The following MAP4K4 variants were observed in gnomAD, a reference collection of about 807,000 sequenced individuals.
The protein encoded by MAP4K4 is HPK/GCK-like kinase HGK.
In MAP4K4, 38 loss-of-function variants were observed where a neutral mutation model predicts 189.6. The ratio of observed to expected loss-of-function variants is 0.20; its 90% CI spans 0.15 to 0.26. MAP4K4 has a LOEUF of 0.26. Among genes scored for constraint, MAP4K4 ranks in the 10% least tolerant of loss-of-function variants. The pLI is 1.00. For synonymous variants in MAP4K4, 610 were observed against 624.3 expected, an observed-to-expected ratio of 0.98 and a Z score of 0.34; for missense variants, 1,054 against 1,726.9, an observed-to-expected ratio of 0.61 and a Z score of 6.91.
chr2:101,717,837 C>T (rs138222794), intron 2 of MAP4K4, among the ~76,000 whole-genome samples: 69 of 152,182 alleles, frequency 4.5e-4, no homozygotes, highest in Non-Finnish European at 7.2e-4. Context: ...TAGGATGACA[C>T]TGGAAGCTAG....
chr2:101,770,098 CTGAGTT>C (rs1558832331), intron 2 of MAP4K4, among the ~76,000 whole-genome samples: 1 of 152,106 alleles, frequency 6.6e-6, no homozygotes, highest in Non-Finnish European at 1.5e-5. Context: ...TTCAGTTACT[CTGAGTT>C]TATCATATCC....
chr2:101,699,332 G>A (rs2036773956), intron 2 of MAP4K4, among the ~76,000 whole-genome samples: 1 of 152,198 alleles, frequency 6.6e-6, no homozygotes, highest in African/African-American at 2.4e-5. Context: ...CTGAGTAGCT[G>A]ACACCTGATG....
At chr2:101,814,647 C>T (rs1418297913) in intron 3 of MAP4K4, among the ~76,000 whole-genome samples, 1 of 152,144 alleles carries the variant, frequency 6.6e-6, no homozygotes, top group Non-Finnish European at 1.5e-5. Context: ...TTCCATTTTC[C>T]AGGGAGCATC....
intron 9 of MAP4K4, among the ~76,000 whole-genome samples, chr2:101,837,141 T>C (rs1417318639): frequency 1.3e-5 from 2 of 150,094 alleles, no homozygotes; most frequent in Non-Finnish European, 2.9e-5. Context: ...AGTTTTCCAA[T>C]TGATGCTGCC....
intron 2 of MAP4K4, among the ~76,000 whole-genome samples, chr2:101,698,837 TC>T (rs1436931765): frequency 1.3e-5 from 2 of 152,308 alleles, no homozygotes; most frequent in South Asian, 2.1e-4. Context: ...CTGAATTTTT[TC>T]TTTTTTTCCC....
chr2:101,869,946 T>C, intron 22 of MAP4K4, 149 bp downstream of exon 22: 1 of 1,049,138 alleles, frequency 9.5e-7, no homozygotes, highest in Non-Finnish European at 1.3e-6. Flanking sequence ...GCCTTGTGTT[T>C]CCCCTTCTCT....
At chr2:101,842,968 C>G (rs929750602) in intron 11 of MAP4K4, among the ~76,000 whole-genome samples, 1 of 152,112 alleles carries the variant, frequency 6.6e-6, no homozygotes, top group Non-Finnish European at 1.5e-5. Context: ...ATTTATTGTT[C>G]CAGAAGCCAC....
chr2:101,817,538 A>G lies in MAP4K4; in HGVS notation c.181-6390A>G, dbSNP rs114748471. ...TGGTGTCATTGTGTAGTTGTCTTCTATATCACATTATTTTTAGATACCAGC... is the reference window on the plus strand; with the variant it reads ...TGGTGTCATTGTGTAGTTGTCTTCTGTATCACATTATTTTTAGATACCAGC... On this transcript the variant is annotated intron_variant, in intron 3 of 32. Transcript: ENST00000324219. Among the ~76,000 whole-genome samples, 898 of 152,290 alleles carry G rather than the reference A, an allele frequency of 5.9e-3. 9 individuals carry two copies. Among genetic ancestry groups the G allele is most frequent in the African/African-American group, 0.021 (869 of 41,560 alleles).
At chr2:101,740,730 T>C (rs191827729) in intron 2 of MAP4K4, among the ~76,000 whole-genome samples, 1 of 152,258 alleles carries the variant, frequency 6.6e-6, no homozygotes, top group East Asian at 1.9e-4. Flanking sequence ...GTTTGCACTG[T>C]CAGCATAAGC....
chr2:101,815,284 C>G (rs919033083), intron 3 of MAP4K4, among the ~76,000 whole-genome samples: 1 of 152,006 alleles, frequency 6.6e-6, no homozygotes, highest in Admixed American at 6.6e-5. Context: ...CTCTGCCACT[C>G]TGGTTGAAGG....
intron 2 of MAP4K4, among the ~76,000 whole-genome samples, chr2:101,740,635 T>C (rs948558956): frequency 1.4e-4 from 22 of 152,224 alleles, no homozygotes; most frequent in Admixed American, 5.2e-4. Flanking sequence ...GTAACTGTTC[T>C]TTTCAAGCTT....
At chr2:101,878,461 C>CATTGA (rs1229214619) in intron 27 of MAP4K4, among the ~76,000 whole-genome samples, 1 of 152,202 alleles carries the variant, frequency 6.6e-6, no homozygotes, top group African/African-American at 2.4e-5. Context: ...TTCTCCATGC[C>CATTGA]ATTGAACATC....
intron 2 of MAP4K4, among the ~76,000 whole-genome samples, chr2:101,740,446 G>T (rs1476823995): frequency 2.0e-5 from 2 of 102,492 alleles, no homozygotes; most frequent in East Asian, 2.2e-4. Flanking sequence ...GAGCCACCGC[G>T]CCCGGCCGCT....
At chr2:101,834,739 GATA>G (rs1268591224) in intron 8 of MAP4K4, among the ~76,000 whole-genome samples, 2 of 152,354 alleles carry the variant, frequency 1.3e-5, no homozygotes, top group Non-Finnish European at 2.9e-5. Context: ...GCTGAGATCA[GATA>G]ATAAGTAGTA....
At chr2:101,798,926 T>A (rs1488382947) in intron 3 of MAP4K4, among the ~76,000 whole-genome samples, 7 of 152,236 alleles carry the variant, frequency 4.6e-5, no homozygotes, top group South Asian at 2.1e-4. Flanking sequence ...ACCTCTTACT[T>A]ACTTTCACAC....
At position 101,787,457 on chromosome 2, in the gene MAP4K4, G is replaced by A. The variant is rs150987799; in HGVS notation, c.124-3263G>A. ...GTGGTATGAAGGAGGGTCGTGTGTC[G>A]TAGCTAAAGAGATGCCAGGAGAGGT... On this transcript the variant is annotated intron_variant, in intron 2 of 32. Coordinates refer to ENST00000324219, the Ensembl canonical transcript of MAP4K4. Among the ~76,000 whole-genome samples the A allele has an allele frequency of 6.6e-4, 101 of 152,240 alleles. 1 individual carries two copies. The highest frequency in any genetic ancestry group is 2.2e-3 in the African/African-American group (93 of 41,518).
At chr2:101,893,493 G>A (rs1466668627) in exon 33 of MAP4K4, 3 of 331,140 alleles carry the variant, frequency 9.1e-6, no homozygotes, top group Non-Finnish European at 1.8e-5. Flanking sequence ...CCATGTTTAG[G>A]CTTTTCATAA....
At chr2:101,880,633 C>T (rs1471303327) in intron 27 of MAP4K4, among the ~76,000 whole-genome samples, 3 of 151,860 alleles carry the variant, frequency 2.0e-5, no homozygotes, top group East Asian at 1.9e-4. Context: ...CTCAGCCTCC[C>T]GAGTAGCTGG....
chr2:101,804,445 C>T (rs2094703195), intron 3 of MAP4K4, among the ~76,000 whole-genome samples: 1 of 152,032 alleles, frequency 6.6e-6, no homozygotes, highest in Non-Finnish European at 1.5e-5. Flanking sequence ...CAAATTCTGC[C>T]TAGATGGAAA....
Sources: gnomAD v4.1 joint callset for allele counts (sites outside exome capture counted in the v4.1 genomes callset) on GRCh38, gnomAD v4.1.1 for gene constraint, MANE v1.5 for transcripts, NCBI Gene and HGNC (gene_info 2026-07-23, HGNC 2026-07-21) for gene names.